Variants in HERC5 observed in about 807,000 individuals in gnomAD.
HERC5 encodes the protein HECT and RLD domain containing E3 ubiquitin protein ligase 5.
Under a neutral mutation model 119.6 loss-of-function variants are expected in HERC5, and 99 were observed. That is an observed-to-expected ratio of 0.83 (90% CI 0.70 to 0.98). HERC5 has a LOEUF of 0.98. HERC5 is among the 50% of genes least tolerant of loss of function. The pLI is 0.00. For missense variants in HERC5, 1,267 were observed against 1,241.3 expected (o/e 1.02, Z -0.31); for synonymous variants, 478 against 445.9 (o/e 1.07, Z -0.91).
chr4:88,504,463 T>G, intron 21 of HERC5, 32 bp from the exon 22 acceptor site: 1 of 1,569,120 alleles, frequency 6.4e-7, no homozygotes, highest in Non-Finnish European at 8.6e-7. Flanking sequence ...CCTTCCTATT[T>G]CCTCAATAAC....
Position 88,500,832 on chromosome 4 carries a change from A to T in HERC5, c.2512-83A>T. 2.0e-6 allele frequency: 2 copies of T among 1,024,664 alleles called. 1 individual carries two copies. The highest frequency in any genetic ancestry group is 2.9e-6 in the Non-Finnish European group (2 of 683,964). The allele number at this position is 1,024,664 out of a possible 1,614,324, so 63.5% of individuals were successfully genotyped here. ...ACATTTTAACACATTCTTTTTAGAA[A>T]GTATGCTCCAAAGTGTTTTTATTGA... On this transcript the variant is annotated intron_variant, in intron 19 of 22. Transcript: ENST00000264350.
rs535748845 is a variant in HERC5 at position 88,462,842 on chromosome 4, T to G, written c.688+486T>G. ...TATCAATTATGTCTGTAAACACACA[T>G]GAAGAAACATGTAATTTCCATTATT... On this transcript the variant is annotated intron_variant, in intron 4 of 22. Transcript: ENST00000264350. 2.0e-5 allele frequency among the ~76,000 whole-genome samples: 3 copies of G among 152,340 alleles called. No homozygotes were observed. The South Asian group carries it at 6.2e-4, about 32-fold the overall frequency.
At chr4:88,467,847 T>C (rs1740728194) in intron 7 of HERC5, 2 of 979,472 alleles carry the variant, frequency 2.0e-6, no homozygotes, top group Non-Finnish European at 2.4e-6. Context: ...TTTCTGTTAC[T>C]TGTTTCTGAA....
intron 11 of HERC5, chr4:88,473,766 A>C (rs993946534): frequency 6.6e-6 from 1 of 152,222 alleles, no homozygotes; most frequent in Non-Finnish European, 1.5e-5. Context: ...ACAACCATGG[A>C]AAGATTACCA....
intron 13 of HERC5, among the ~76,000 whole-genome samples, chr4:88,484,163 A>G (rs1741380603): frequency 6.6e-6 from 1 of 152,054 alleles, no homozygotes; most frequent in Non-Finnish European, 1.5e-5. Flanking sequence ...AGATACTCGA[A>G]TTTGTTCTTT....
chr4:88,465,391 T>C (rs1560599438), intron 6 of HERC5, among the ~76,000 whole-genome samples: 1 of 152,224 alleles, frequency 6.6e-6, no homozygotes, highest in Non-Finnish European at 1.5e-5. Context: ...TTTGTTAGTT[T>C]ACTGAAACCA....
intron 18 of HERC5, among the ~76,000 whole-genome samples, chr4:88,496,466 C>T (rs1416282097): frequency 6.6e-6 from 1 of 152,160 alleles, no homozygotes; most frequent in South Asian, 2.1e-4. Flanking sequence ...TCCGATAGAA[C>T]AGACGATAGA....
intron 20 of HERC5, among the ~76,000 whole-genome samples, chr4:88,501,925 A>G (rs1056789165): frequency 6.6e-5 from 10 of 152,146 alleles, no homozygotes; most frequent in Admixed American, 4.6e-4. Flanking sequence ...CAGCCTCCTG[A>G]GTAGCTGGGA....
chr4:88,472,162 T>A (rs1210805990), intron 10 of HERC5, among the ~76,000 whole-genome samples: 1 of 152,066 alleles, frequency 6.6e-6, no homozygotes, highest in Non-Finnish European at 1.5e-5. Flanking sequence ...TTAATTTTTT[T>A]AATCTATTAC....
intron 13 of HERC5, among the ~76,000 whole-genome samples, chr4:88,485,211 G>A (rs993324474): frequency 5.9e-5 from 9 of 152,130 alleles, no homozygotes; most frequent in Non-Finnish European, 8.8e-5. Flanking sequence ...AGGGGATCCC[G>A]CTTTGTCCTT....
intron 7 of HERC5, 23 bp from the exon 8 acceptor site, chr4:88,468,323 T>A (rs17014147): frequency 1.9e-6 from 3 of 1,564,448 alleles, no homozygotes; most frequent in South Asian, 2.3e-5. Flanking sequence ...TCTAAAACTC[T>A]TACTCTTTGT....
chr4:88,461,099 T>C (rs1578463205), intron 3 of HERC5, among the ~76,000 whole-genome samples: 1 of 152,180 alleles, frequency 6.6e-6, no homozygotes, highest in East Asian at 1.9e-4. Context: ...GATGTAAACA[T>C]GTTCATAAAC....
rs947623628 is a variant in HERC5, at chr4:88,457,519, G to A, written c.250G>A (p.Gly84Ser). ...QVHQLLAGSG[G>S]ARTPKCIKLG... is the part of the protein sequence containing the mutation. ...TCACCAGCTGCTCGCCGGGAGCGGC[G>A]GCGCCCGGACGCCGAGTGAGTGGGG... The change falls in exon 1 of 23, where the codon GGC becomes AGC. Residue 84 changes from glycine to serine, a missense_variant. Physicochemically the swap from Gly to Ser is moderately conservative, Grantham distance 56 (BLOSUM62 0). This residue lies in a region of HERC5 where 777 missense variants were observed against 758.0 expected (regional missense o/e 1.03). Transcript: ENST00000264350. 7.8e-7 allele frequency: 1 copy of A among 1,274,416 alleles called. No individual in the cohort carries two copies. Among genetic ancestry groups the A allele is most frequent in the Non-Finnish European group, 9.9e-7 (1 of 1,010,090 alleles). 78.9% of individuals were successfully genotyped at this position (1,274,416 alleles called of 1,614,324 possible). A position where few individuals can be genotyped will look rare whatever the true frequency, so the allele number is the denominator to read the frequency against.
At chr4:88,468,306 A>C (rs1202419828) in intron 7 of HERC5, 40 bp from the exon 8 acceptor site, 1 of 1,426,686 alleles carries the variant, frequency 7.0e-7, no homozygotes, top group Non-Finnish European at 9.8e-7. Context: ...TTTGTGCCAA[A>C]TGACTTTCTA....
chr4:88,458,155 A>G lies in HERC5; in HGVS notation c.265+621A>G, dbSNP rs895281010. 4 of 827,748 alleles carry G rather than the reference A, an allele frequency of 4.8e-6. No homozygotes were observed. The African/African-American group carries it at 7.4e-5, about 15-fold the overall frequency. 51.3% of individuals were successfully genotyped at this position (827,748 alleles called of 1,614,324 possible). The stretch of plus-strand genomic sequence containing the variant: ...TGGCTTTTAGAAATTTGAGTTGTTA[A>G]ATCTTTTTCTTATTTGTATGGAAGA... On this transcript the variant is annotated intron_variant, in intron 1 of 22. Coordinates refer to ENST00000264350, the MANE Select transcript of HERC5 (RefSeq NM_016323.4).
rs529526806 is a variant in HERC5, at chr4:88,485,064, G to C, written c.1738-1051G>C. Among the ~76,000 whole-genome samples the C allele has an allele frequency of 1.1e-4, 17 of 151,634 alleles. 1 individual carries two copies. In the South Asian group the frequency reaches 2.5e-3, roughly 22 times the overall value. On this transcript the variant is annotated intron_variant, in intron 13 of 22. Transcript: ENST00000264350. ...GTTTTTTTTTTTTACAAAAGGGAAA[G>C]GTTAATGAAAAATAATTTGTGTTTT... is the stretch of plus-strand genomic sequence containing the variant.
intron 13 of HERC5, among the ~76,000 whole-genome samples, chr4:88,482,621 C>T (rs1362342274): frequency 6.6e-6 from 1 of 152,174 alleles, no homozygotes; most frequent in African/African-American, 2.4e-5. Flanking sequence ...TTGGTATATG[C>T]AGCCCAATCT....
intron 12 of HERC5, among the ~76,000 whole-genome samples, chr4:88,477,185 T>A (rs1741095683): frequency 7.9e-6 from 1 of 126,006 alleles, no homozygotes; most frequent in Non-Finnish European, 1.6e-5. Flanking sequence ...AGATAGATAG[T>A]GAAACCCCAT....
intron 15 of HERC5, among the ~76,000 whole-genome samples, chr4:88,488,673 CTT>C (rs1741543437): frequency 6.6e-6 from 1 of 152,010 alleles, no homozygotes; most frequent in Non-Finnish European, 1.5e-5. Flanking sequence ...CTTAAAATCT[CTT>C]GTCTTGGTTT....
Sources: allele counts gnomAD v4.1 joint callset (sites outside exome capture counted in the v4.1 genomes callset), GRCh38; gene constraint gnomAD v4.1.1; regional missense constraint gnomAD v4.1.1; transcripts MANE v1.5; gene names NCBI Gene and HGNC (gene_info 2026-07-23, HGNC 2026-07-21).